The following KCNQ1 variants were observed in gnomAD, a reference collection of about 807,000 sequenced individuals.
KCNQ1 encodes the protein potassium voltage-gated channel subfamily Q member 1.
In KCNQ1, 49 loss-of-function variants were observed where a neutral mutation model predicts 72.4. That is an observed-to-expected ratio of 0.68 (90% CI 0.54 to 0.86). The LOEUF is 0.86. Ranked by LOEUF, KCNQ1 falls within the 40% of genes least tolerant of loss-of-function variation. KCNQ1 has a pLI of 0.00. For missense variants in KCNQ1, 790 were observed against 945.1 expected (o/e 0.84, Z 2.15); for synonymous variants, 450 against 412.6 (o/e 1.09, Z -1.10).
At chr11:2,622,311 T>C (rs1849187649) in intron 10 of KCNQ1, 2 of 398,236 alleles carry the variant, frequency 5.0e-6, no homozygotes, top group Admixed American at 8.8e-5. Context: ...TCCTCCTTTG[T>C]CTCCTATAAC....
intron 10 of KCNQ1, chr11:2,643,385 A>G (rs1346441936): frequency 7.5e-6 from 3 of 398,310 alleles, no homozygotes; most frequent in East Asian, 3.6e-5. Context: ...CTCTTGGTCA[A>G]TTGATCCCTC....
At chr11:2,638,109 T>C (rs1048848515) in intron 10 of KCNQ1, 1 of 152,222 alleles carries the variant, frequency 6.6e-6, no homozygotes. Flanking sequence ...TACAGCACAC[T>C]GATGGGTCTT....
In KCNQ1 at chr11:2,679,686, A is replaced by C. The variant is rs1028969656; in HGVS notation, c.1514+17605A>C. On this transcript the variant is annotated intron_variant, in intron 11 of 15. Coordinates refer to ENST00000155840, the MANE Select transcript of KCNQ1 (RefSeq NM_000218.3). This position sits in a 1 kb window ranked among gnomAD's most constrained non-coding sequence, Gnocchi z 4.8. ...TTTAGGATGCATAGGATCCCAGATT[A>C]GATTTTTTTTAAATCAGCCGTTCTC... 1.0e-5 allele frequency: 4 copies of C among 398,558 alleles called. No homozygotes were observed. Among genetic ancestry groups the C allele is most frequent in the African/African-American group, 8.2e-5 (4 of 48,704 alleles). The allele number at this position is 398,558 out of a possible 1,614,324, so 24.7% of individuals were successfully genotyped here.
intron 1 of KCNQ1, among the ~76,000 whole-genome samples, chr11:2,487,834 T>C (rs1589908175): frequency 6.6e-6 from 1 of 152,206 alleles, no homozygotes; most frequent in South Asian, 2.1e-4. Flanking sequence ...GTCTTTTTTT[T>C]CCATTCTGGA....
Position 2,515,425 on chromosome 11 carries a change from G to A in KCNQ1, c.387-12503G>A, listed in dbSNP as rs1847272394. Among the ~76,000 whole-genome samples the A allele has an allele frequency of 7.0e-6, 1 of 141,870 alleles. No homozygotes were observed. The highest frequency in any genetic ancestry group is 1.6e-5 in the Non-Finnish European group (1 of 63,222). 93.1% of individuals were successfully genotyped at this position (141,870 alleles called of 152,430 possible). A position where few individuals can be genotyped will look rare whatever the true frequency, so the allele number is the denominator to read the frequency against. On this transcript the variant is annotated intron_variant, in intron 1 of 15. Transcript: ENST00000155840. This position sits in a 1 kb window ranked among gnomAD's most constrained non-coding sequence, Gnocchi z 4.7. ...GGCGGAGCCCCTGGCCCAGGGGCGG[G>A]GAGGCCTGTCCACCCCTCCCACCCG...
chr11:2,488,766 G>T lies in KCNQ1; in HGVS notation c.387-39162G>T, dbSNP rs556042669. 6.6e-6 allele frequency among the ~76,000 whole-genome samples: 1 copy of T among 152,118 alleles called. No individual in the cohort carries two copies. The highest frequency in any genetic ancestry group is 2.4e-5 in the African/African-American group (1 of 41,410). ...ACTTAGTCCATCTAGCTAAAGGTTT[G>T]TCAATTCTTAAAATCTTTTCAGAGA... is the stretch of plus-strand genomic sequence containing the variant. On this transcript the variant is annotated intron_variant, in intron 1 of 15. Coordinates refer to ENST00000155840, the MANE Select transcript of KCNQ1 (RefSeq NM_000218.3). The surrounding 1 kb of genome is among the most constrained non-coding windows in gnomAD (Gnocchi z 5.1).
Position 2,544,105 on chromosome 11 carries a change from C to T in KCNQ1, c.477+16087C>T, listed in dbSNP as rs1418702995. ...ACATATAAATTTTGGAAGCTGCTTA[C>T]CAATTTTTGCAAAGCCTGGTAGAAT... On this transcript the variant is annotated intron_variant, in intron 2 of 15. Coordinates refer to ENST00000155840, the MANE Select transcript of KCNQ1 (RefSeq NM_000218.3). This position sits in a 1 kb window ranked among gnomAD's most constrained non-coding sequence, Gnocchi z 4.4. Among the ~76,000 whole-genome samples the T allele has an allele frequency of 6.6e-6, 1 of 151,978 alleles. No individual in the cohort carries two copies. The highest frequency in any genetic ancestry group is 2.4e-5 in the African/African-American group (1 of 41,358).
rs899195265 is a variant in KCNQ1 at position 2,772,040 on chromosome 11, A to C, written c.1590+3121A>C. On this transcript the variant is annotated intron_variant, in intron 12 of 15. Coordinates refer to ENST00000155840, the MANE Select transcript of KCNQ1 (RefSeq NM_000218.3). The surrounding 1 kb of genome is among the most constrained non-coding windows in gnomAD (Gnocchi z 6.6). ...CCTCGCAGGGCACAGAGGCTCCTGC[A>C]CAAAGCCGCTGGGGCTCCCTCCGAC... 6.6e-6 allele frequency among the ~76,000 whole-genome samples: 1 copy of C among 152,190 alleles called. No individual in the cohort carries two copies. The highest frequency in any genetic ancestry group is 2.4e-5 in the African/African-American group (1 of 41,434).
At chr11:2,619,833 CTTTG>C (rs1453739006) in intron 10 of KCNQ1, 5 of 397,130 alleles carry the variant, frequency 1.3e-5, no homozygotes, top group African/African-American at 2.1e-5. Context: ...CTGGGCTTTT[CTTTG>C]TTTGAGGTTT....
chr11:2,544,784 T>C lies in KCNQ1; in HGVS notation c.477+16766T>C, dbSNP rs1847881591. ...GACAGTTTTACCTCTTTTTTTCAAA[T>C]GTGGACGCCTATTTGTTTCTTTTTC... On this transcript the variant is annotated intron_variant, in intron 2 of 15. Transcript: ENST00000155840. This position sits in a 1 kb window ranked among gnomAD's most constrained non-coding sequence, Gnocchi z 4.4. 1.3e-5 allele frequency among the ~76,000 whole-genome samples: 2 copies of C among 152,220 alleles called. No individual in the cohort carries two copies. Among genetic ancestry groups the C allele is most frequent in the Admixed American group, 6.5e-5 (1 of 15,284 alleles).
rs1848851692 is a variant in KCNQ1 at position 2,604,483 on chromosome 11, CAAAAAG to C, written c.1393+15633_1393+15638del. 3.3e-5 allele frequency among the ~76,000 whole-genome samples: 5 copies of C among 151,428 alleles called. No individual in the cohort carries two copies. In the South Asian group the frequency reaches 6.3e-4, roughly 19 times the overall value. On this transcript the variant is annotated intron_variant, in intron 10 of 15. Transcript: ENST00000155840. ...ACAGAGCAAGACTGTTTCAAAAAAA[CAAAAAG>C]AAAGGAAGAAAAGAAAGAGATATGA...
rs990337936 is a variant in KCNQ1, at chr11:2,562,093, C to T, written c.478-8535C>T. ...AGGCCAGGACAGGGCAGCCGGACCC[C>T]GACTGTGCCACCCTCAGCCCAGTGG... On this transcript the variant is annotated intron_variant, in intron 2 of 15. Transcript: ENST00000155840. This position sits in a 1 kb window ranked among gnomAD's most constrained non-coding sequence, Gnocchi z 7.5. Among the ~76,000 whole-genome samples, 3 of 152,044 alleles carry T rather than the reference C, an allele frequency of 2.0e-5. No homozygotes were observed. Among genetic ancestry groups the T allele is most frequent in the South Asian group, 2.1e-4 (1 of 4,834 alleles).
intron 1 of KCNQ1, among the ~76,000 whole-genome samples, chr11:2,448,876 T>G (rs980171535): frequency 4.6e-5 from 7 of 152,192 alleles, no homozygotes; most frequent in African/African-American, 1.4e-4. Flanking sequence ...AGTGCCTAAC[T>G]GTGGCTTCGT....
Position 2,647,416 on chromosome 11 carries a change from T to G in KCNQ1, c.1394-14545T>G. 2.5e-6 allele frequency: 1 copy of G among 398,604 alleles called. No homozygotes were observed. The allele number at this position is 398,604 out of a possible 1,614,324, so 24.7% of individuals were successfully genotyped here. A position where few individuals can be genotyped will look rare whatever the true frequency, so the allele number is the denominator to read the frequency against. ...GTGTGTGTGTTTTGTTTCTGAGGAT[T>G]CTGCATCTATGTTCATCAGGGAGAT... On this transcript the variant is annotated intron_variant, in intron 10 of 15. Coordinates refer to ENST00000155840, the MANE Select transcript of KCNQ1 (RefSeq NM_000218.3). The surrounding 1 kb of genome is among the most constrained non-coding windows in gnomAD (Gnocchi z 4.0).
chr11:2,549,923 C>T lies in KCNQ1; in HGVS notation c.478-20705C>T, dbSNP rs969040275. ...CCGGCTCCTTGCCCACCGCCCCCGC[C>T]ACCCAGCGCGAGCCGCGTAGAGGAG... On this transcript the variant is annotated intron_variant, in intron 2 of 15. Coordinates refer to ENST00000155840, the MANE Select transcript of KCNQ1 (RefSeq NM_000218.3). This position sits in a 1 kb window ranked among gnomAD's most constrained non-coding sequence, Gnocchi z 6.2. Among the ~76,000 whole-genome samples the T allele has an allele frequency of 1.3e-5, 2 of 152,308 alleles. No individual in the cohort carries two copies. The highest frequency in any genetic ancestry group is 4.1e-4 in the South Asian group (2 of 4,834).
intron 14 of KCNQ1, chr11:2,777,636 C>T: frequency 1.7e-6 from 1 of 587,058 alleles, no homozygotes; most frequent in South Asian, 2.1e-5. Flanking sequence ...GCTGTGCCCC[C>T]AGCCTGGAGT....
chr11:2,620,818 G>A lies in KCNQ1; in HGVS notation c.1393+31964G>A, dbSNP rs886240118. Reference sequence around the variant, plus strand: ...TTGTATTCCTGCCAACAGTGTATAAGCGTTCCCTTTTCTCTGCAGCCTTCC... The same window carrying A: ...TTGTATTCCTGCCAACAGTGTATAAACGTTCCCTTTTCTCTGCAGCCTTCC... On this transcript the variant is annotated intron_variant, in intron 10 of 15. Coordinates refer to ENST00000155840, the MANE Select transcript of KCNQ1 (RefSeq NM_000218.3). This position sits in a 1 kb window ranked among gnomAD's most constrained non-coding sequence, Gnocchi z 4.5. The A allele has an allele frequency of 1.3e-4, 51 of 398,446 alleles. No homozygotes were observed. The highest frequency in any genetic ancestry group is 1.0e-3 in the African/African-American group (50 of 48,598). The allele number at this position is 398,446 out of a possible 1,614,324, so 24.7% of individuals were successfully genotyped here. A position where few individuals can be genotyped will look rare whatever the true frequency, so the allele number is the denominator to read the frequency against.
chr11:2,576,857 C>G (rs1178338639), intron 6 of KCNQ1, among the ~76,000 whole-genome samples: 1 of 152,178 alleles, frequency 6.6e-6, no homozygotes, highest in Non-Finnish European at 1.5e-5. Flanking sequence ...CAGGACCTGG[C>G]CACCCACCGA....
chr11:2,455,778 C>T (rs1005384408), intron 1 of KCNQ1, among the ~76,000 whole-genome samples: 23 of 152,208 alleles, frequency 1.5e-4, no homozygotes, highest in African/African-American at 5.5e-4. Flanking sequence ...CCAGAGGCAT[C>T]ACATTACCTG....
Sources: gnomAD v4.1 joint callset for allele counts (sites outside exome capture counted in the v4.1 genomes callset) on GRCh38, gnomAD v4.1.1 for gene constraint, Gnocchi (gnomAD v3.1) non-coding constraint, MANE v1.5 for transcripts, NCBI Gene and HGNC (gene_info 2026-07-23, HGNC 2026-07-21) for gene names.